Variants in PCCA observed in about 807,000 individuals in gnomAD.
The protein encoded by PCCA is propionyl-CoA carboxylase subunit alpha.
Under a neutral mutation model 101.3 loss-of-function variants are expected in PCCA, and 74 were observed. That is an observed-to-expected ratio of 0.73 (90% CI 0.61 to 0.89). The LOEUF is 0.89. Among genes scored for constraint, PCCA ranks in the 40% least tolerant of loss-of-function variants. PCCA has a pLI of 0.00. For missense variants in PCCA, 891 were observed against 907.0 expected, an observed-to-expected ratio of 0.98 and a Z score of 0.23; for synonymous variants, 294 against 313.6, an observed-to-expected ratio of 0.94 and a Z score of 0.66.
intron 18 of PCCA, among the ~76,000 whole-genome samples, chr13:100,361,187 A>G (rs1319818410): frequency 6.6e-6 from 1 of 152,156 alleles, no homozygotes; most frequent in African/African-American, 2.4e-5. Context: ...TAGGCAGTGA[A>G]GCTACTCTGT....
intron 8 of PCCA, among the ~76,000 whole-genome samples, chr13:100,251,070 G>C (rs2061721450): frequency 6.6e-6 from 1 of 152,134 alleles, no homozygotes; most frequent in Non-Finnish European, 1.5e-5. Flanking sequence ...CTGTAGTAGT[G>C]GGGAGTTCTG....
At chr13:100,427,069 T>G (rs1413626712) in intron 20 of PCCA, among the ~76,000 whole-genome samples, 1 of 152,144 alleles carries the variant, frequency 6.6e-6, no homozygotes, top group Non-Finnish European at 1.5e-5. Context: ...ATACAAAAAT[T>G]AGCCGGGTGT....
intron 19 of PCCA, among the ~76,000 whole-genome samples, chr13:100,412,439 TACAAGAAACAA>T (rs1025697455): frequency 5.0e-4 from 76 of 152,332 alleles, no homozygotes; most frequent in African/African-American, 1.7e-3. Context: ...GAAATTGTTT[TACAAGAAACAA>T]ACAAGATACA....
intron 19 of PCCA, among the ~76,000 whole-genome samples, chr13:100,376,672 G>T (rs1281999490): frequency 6.6e-6 from 1 of 152,174 alleles, no homozygotes; most frequent in African/African-American, 2.4e-5. Flanking sequence ...GACCCTCCCT[G>T]CCAGGTTGAC....
chr13:100,151,820 T>C (rs2053362829), intron 4 of PCCA, among the ~76,000 whole-genome samples: 1 of 152,194 alleles, frequency 6.6e-6, no homozygotes, highest in Non-Finnish European at 1.5e-5. Flanking sequence ...GTTTAAACTT[T>C]CCATGGTTGT....
At chr13:100,510,985 C>T (rs2086437742) in intron 21 of PCCA, among the ~76,000 whole-genome samples, 1 of 152,172 alleles carries the variant, frequency 6.6e-6, no homozygotes, top group Non-Finnish European at 1.5e-5. Flanking sequence ...ACTGTTGTGT[C>T]TTGGAGATTT....
At chr13:100,284,347 G>A (rs1595112932) in intron 12 of PCCA, among the ~76,000 whole-genome samples, 1 of 152,266 alleles carries the variant, frequency 6.6e-6, no homozygotes. Context: ...CCTACTTGAG[G>A]AGGGAATCAA....
chr13:100,442,986 C>CTGTTT (rs897953910), intron 20 of PCCA, among the ~76,000 whole-genome samples: 1 of 152,220 alleles, frequency 6.6e-6, no homozygotes, highest in African/African-American at 2.4e-5. Flanking sequence ...GGCCAAAGAA[C>CTGTTT]TGTTTTGTTT....
chr13:100,115,628 T>C (rs562193389), intron 4 of PCCA, among the ~76,000 whole-genome samples: 1 of 152,288 alleles, frequency 6.6e-6, no homozygotes, highest in African/African-American at 2.4e-5. Context: ...GGAGCTGAAA[T>C]GTAGATGCAG....
chr13:100,172,031 C>CAA lies in PCCA; in HGVS notation c.468+14708_468+14709dup, dbSNP rs3034651. Among the ~76,000 whole-genome samples the CAA allele has an allele frequency of 9.0e-3, 907 of 100,796 alleles. 5 individuals are homozygous for CAA. Among genetic ancestry groups the CAA allele is most frequent in the Non-Finnish European group, 0.013 (636 of 48,656 alleles). The allele number at this position is 100,796 out of a possible 152,430, so 66.1% of individuals were successfully genotyped here. On this transcript the variant is annotated intron_variant, in intron 6 of 23. Transcript: ENST00000376285. Reference sequence around the variant, plus strand: ...TGGGTGACAGAGTGAGACTCTGTCTCAAAAAAAAAAAAAAAAAATATTAGC... The same window carrying CAA: ...TGGGTGACAGAGTGAGACTCTGTCTCAAAAAAAAAAAAAAAAAAAATATTAGC...
intron 8 of PCCA, 98 bp from the exon 9 acceptor site, chr13:100,257,497 T>G (rs2062152546): frequency 1.2e-6 from 1 of 851,724 alleles, no homozygotes; most frequent in Admixed American, 2.0e-5. Flanking sequence ...ATAAATTAAT[T>G]ATTGTTTTCT....
intron 19 of PCCA, among the ~76,000 whole-genome samples, chr13:100,393,391 C>T (rs1287732764): frequency 6.8e-6 from 1 of 147,658 alleles, no homozygotes; most frequent in Non-Finnish European, 1.5e-5. Context: ...GCTGCTTCTG[C>T]TGGCTTTTAT....
chr13:100,170,812 A>T (rs1288002184), intron 6 of PCCA, among the ~76,000 whole-genome samples: 1 of 152,222 alleles, frequency 6.6e-6, no homozygotes, highest in Non-Finnish European at 1.5e-5. Context: ...AATATATTGG[A>T]TGTAAATTAG....
intron 6 of PCCA, among the ~76,000 whole-genome samples, chr13:100,198,624 G>A (rs182992811): frequency 6.6e-6 from 1 of 152,050 alleles, no homozygotes; most frequent in African/African-American, 2.4e-5. Flanking sequence ...TCAGCCTTCC[G>A]AGTAGCTGGG....
At chr13:100,446,279 C>T (rs1434525172) in intron 20 of PCCA, among the ~76,000 whole-genome samples, 6 of 152,176 alleles carry the variant, frequency 3.9e-5, no homozygotes, top group Admixed American at 3.3e-4. Context: ...ATCCACCCAC[C>T]TTAGCCTCCC....
chr13:100,474,464 C>CTCTCTCTCTCTCTCTCTCTCTG (rs1555310452), intron 21 of PCCA, among the ~76,000 whole-genome samples: 1 of 149,142 alleles, frequency 6.7e-6, no homozygotes, highest in African/African-American at 2.5e-5. Context: ...CTCTCTCTCT[C>CTCTCTCTCTCTCTCTCTCTCTG]TCTCTGTCTC....
intron 7 of PCCA, among the ~76,000 whole-genome samples, chr13:100,230,781 T>C (rs1463510107): frequency 6.6e-6 from 1 of 152,172 alleles, no homozygotes; most frequent in East Asian, 1.9e-4. Context: ...AATACCTAAC[T>C]TGAACCAGCT....
At chr13:100,494,484 G>A (rs1207076332) in intron 21 of PCCA, among the ~76,000 whole-genome samples, 1 of 151,956 alleles carries the variant, frequency 6.6e-6, no homozygotes, top group Non-Finnish European at 1.5e-5. Context: ...GGGAGTTTGA[G>A]ACCAGCCTGA....
intron 6 of PCCA, among the ~76,000 whole-genome samples, chr13:100,168,778 T>G (rs527346391): frequency 4.6e-5 from 7 of 152,284 alleles, no homozygotes; most frequent in Admixed American, 3.3e-4. Context: ...CAGGATTCAT[T>G]CTCTTCCTTA....
Sources: allele counts gnomAD v4.1 joint callset (sites outside exome capture counted in the v4.1 genomes callset), GRCh38; gene constraint gnomAD v4.1.1; transcripts MANE v1.5; gene names NCBI Gene and HGNC (gene_info 2026-07-23, HGNC 2026-07-21).